The following SYNE2 variants were observed in gnomAD, a reference collection of about 807,000 sequenced individuals.
The protein encoded by SYNE2 is nesprin-2.
In SYNE2, 431 loss-of-function variants were observed where a neutral mutation model predicts 856.3. The observed-to-expected ratio is 0.50, with a 90% CI of 0.47 to 0.55. SYNE2 has a LOEUF of 0.55. Among genes scored for constraint, SYNE2 ranks in the 20% least tolerant of loss-of-function variants. The probability of loss-of-function intolerance (pLI) is 0.00; values close to 1 mark genes in which losing one functional copy is unlikely to be tolerated. For missense variants in SYNE2, 8,129 were observed against 8,023.2 expected (o/e 1.01, Z -0.50); for synonymous variants, 2,923 against 2,872.3 (o/e 1.02, Z -0.56).
chr14:63,998,424 G>T lies in SYNE2; in HGVS notation c.3353+96G>T, dbSNP rs573114754. 3 of 835,968 alleles carry T rather than the reference G, an allele frequency of 3.6e-6. No homozygotes were observed. The East Asian group carries it at 8.0e-5, about 22-fold the overall frequency. The allele number at this position is 835,968 out of a possible 1,614,324, so 51.8% of individuals were successfully genotyped here. The stretch of plus-strand genomic sequence containing the variant: ...TTAAAAGTTTTATTTTCATTTAGTC[G>T]TCATTTTGCATATGATCCAGTAACT... On this transcript the variant is annotated intron_variant, in intron 26 of 115. Coordinates refer to ENST00000555002, the MANE Select transcript of SYNE2 (RefSeq NM_182914.3).
Position 64,152,638 on chromosome 14 carries a change from T to TG in SYNE2, c.15718dup (p.Ala5240GlyfsTer13). 1.2e-6 allele frequency: 2 copies of TG among 1,614,074 alleles called. No homozygotes were observed. The highest frequency in any genetic ancestry group is 1.7e-6 in the Non-Finnish European group (2 of 1,180,000). ...AACAAAGTTATCTGACTTTGGAGAG[T>TG]GGGGCAGTGCCATTGTTAGAAGATA... On this transcript the variant is annotated frameshift_variant, in exon 85 of 116. Coordinates refer to ENST00000555002, the MANE Select transcript of SYNE2 (RefSeq NM_182914.3). LOFTEE classifies it high-confidence loss of function.
chr14:64,134,400 G>C (rs1048098782), intron 78 of SYNE2, among the ~76,000 whole-genome samples, 200 bp downstream of exon 78: 1 of 152,164 alleles, frequency 6.6e-6, no homozygotes, highest in African/African-American at 2.4e-5. Flanking sequence ...GCTTGGGGGA[G>C]AGGACCTTGC....
At chr14:63,811,404 A>G (rs1278131175) in intron 1 of SYNE2, among the ~76,000 whole-genome samples, 1 of 151,928 alleles carries the variant, frequency 6.6e-6, no homozygotes, top group Non-Finnish European at 1.5e-5. Flanking sequence ...ACAGGTGTGC[A>G]TCACCATGCC....
At chr14:63,894,136 A>G (rs1461436761) in intron 1 of SYNE2, among the ~76,000 whole-genome samples, 2 of 151,994 alleles carry the variant, frequency 1.3e-5, no homozygotes, top group East Asian at 3.8e-4. Flanking sequence ...GATGGTTTTA[A>G]CAGCTTTTTG....
At chr14:64,066,702 C>T (rs1468208526) in intron 51 of SYNE2, among the ~76,000 whole-genome samples, 1 of 152,140 alleles carries the variant, frequency 6.6e-6, no homozygotes, top group Non-Finnish European at 1.5e-5. Flanking sequence ...CTGCTGGCAC[C>T]AGTGCTTGCC....
Position 64,098,085 on chromosome 14 carries a change from G to A in SYNE2, c.12245G>A (p.Arg4082Lys). The A allele has an allele frequency of 6.2e-7, 1 of 1,614,184 alleles. No homozygotes were observed. The highest frequency in any genetic ancestry group is 8.5e-7 in the Non-Finnish European group (1 of 1,180,022). ...KQEQEGVERD[R>K]LPAVTSEEGG... ...GAACAAGAAGGAGTAGAAAGAGATAGGCTGCCAGCTGTAACATCAGAGGAA... is the reference window on the plus strand; with the variant it reads ...GAACAAGAAGGAGTAGAAAGAGATAAGCTGCCAGCTGTAACATCAGAGGAA... Residue 4082 changes from arginine (R) to lysine (K), a missense_variant, in exon 62 of 116, where the codon AGG becomes AAG. Physicochemically the swap from Arg to Lys is conservative, Grantham distance 26. Around this residue, in one of 3 missense-constraint regions of SYNE2, gnomAD observed 5,410 missense variants for 5,284.8 expected, o/e 1.02. Transcript: ENST00000555002.
intron 99 of SYNE2, among the ~76,000 whole-genome samples, chr14:64,194,299 C>CTTCT (rs1555538554): frequency 0.24 from 34,964 of 148,042 alleles, 4,304 homozygotes; most frequent in Middle Eastern, 0.33. Flanking sequence ...CTCTTTTCTT[C>CTTCT]TTTTTTTTTT....
intron 64 of SYNE2, among the ~76,000 whole-genome samples, chr14:64,104,941 C>A (rs1242672579): frequency 6.6e-6 from 1 of 152,136 alleles, no homozygotes; most frequent in East Asian, 1.9e-4. Context: ...TACCACCTTT[C>A]CTTCAAAGCT....
At chr14:64,078,408 C>T (rs540552910) in intron 54 of SYNE2, 58 bp from the exon 55 acceptor site, 3 of 1,606,788 alleles carry the variant, frequency 1.9e-6, no homozygotes, top group East Asian at 2.2e-5. Context: ...TTGTTCGAAC[C>T]TATGAATAAA....
intron 1 of SYNE2, among the ~76,000 whole-genome samples, chr14:63,883,506 C>T (rs1001901342): frequency 7.0e-5 from 10 of 143,690 alleles, no homozygotes; most frequent in East Asian, 2.0e-4. Flanking sequence ...TGCACCTCCA[C>T]GCCTGGCTAA....
chr14:64,081,742 A>G (rs1453503271), intron 57 of SYNE2, among the ~76,000 whole-genome samples, 162 bp downstream of exon 57: 2 of 152,120 alleles, frequency 1.3e-5, no homozygotes, highest in African/African-American at 2.4e-5. Context: ...AGCAGTAGAC[A>G]TGGATTTTGG....
At chr14:64,208,969 G>C in intron 101 of SYNE2, 24 bp downstream of exon 101, 1 of 1,611,240 alleles carries the variant, frequency 6.2e-7, no homozygotes, top group Non-Finnish European at 8.5e-7. Flanking sequence ...TCCCCCAAAT[G>C]CCTTCAGCGT....
chr14:63,803,034 C>T (rs997764484), intron 1 of SYNE2, among the ~76,000 whole-genome samples: 1 of 152,216 alleles, frequency 6.6e-6, no homozygotes, highest in Non-Finnish European at 1.5e-5. Context: ...CCAATAATGG[C>T]TCAGGCAGCC....
chr14:64,037,685 C>T (rs1476901077), intron 45 of SYNE2, among the ~76,000 whole-genome samples: 1 of 16,608 alleles, frequency 6.0e-5, no homozygotes, highest in East Asian at 1.8e-3. Context: ...GCAGAGGGGC[C>T]CCTCACTTCC....
In SYNE2 at chr14:64,100,532, ATATATATATATATATATATAT is replaced by A. The variant is rs1461955352; in HGVS notation, c.12382-1399_12382-1379del. On this transcript the variant is annotated intron_variant, in intron 63 of 115. Transcript: ENST00000555002. ...ACTGTCTCAAAAAAAAAAAAAAAAA[ATATATATATATATATATATAT>A]ATATATATATATATATATTTATGAC... Among the ~76,000 whole-genome samples the A allele has an allele frequency of 6.1e-3, 263 of 43,188 alleles. 9 individuals carry two copies. Among genetic ancestry groups the A allele is most frequent in the Non-Finnish European group, 9.8e-3 (226 of 22,996 alleles). The allele number at this position is 43,188 out of a possible 152,430, so 28.3% of individuals were successfully genotyped here.
chr14:63,878,085 C>T (rs1202187289), intron 1 of SYNE2, among the ~76,000 whole-genome samples: 1 of 152,040 alleles, frequency 6.6e-6, no homozygotes, highest in East Asian at 1.9e-4. Context: ...TGAGGTCTTA[C>T]TGTGTTACCC....
At chr14:63,923,575 A>T (rs2153382395) in intron 2 of SYNE2, among the ~76,000 whole-genome samples, 1 of 152,362 alleles carries the variant, frequency 6.6e-6, no homozygotes, top group South Asian at 2.1e-4. Flanking sequence ...AGGCAAAATG[A>T]GGAGCAAACT....
intron 79 of SYNE2, among the ~76,000 whole-genome samples, chr14:64,138,512 G>A (rs2098113979): frequency 1.3e-5 from 2 of 152,084 alleles, no homozygotes; most frequent in South Asian, 2.1e-4. Flanking sequence ...GGGATTACAG[G>A]TGTAAGCCAC....
In SYNE2 at chr14:64,167,604, C is replaced by A. The variant is rs1045152351; in HGVS notation, c.16870C>A (p.Leu5624Ile). 1.2e-6 allele frequency: 2 copies of A among 1,614,228 alleles called. No homozygotes were observed. Among genetic ancestry groups the A allele is most frequent in the Non-Finnish European group, 1.7e-6 (2 of 1,180,050 alleles). The change falls in exon 92 of 116, where the codon CTT becomes ATT. Residue 5624 changes from leucine (L) to isoleucine (I), a missense_variant. Leu to Ile is a conservative substitution (Grantham distance 5). This residue lies in a region of SYNE2 where 5,410 missense variants were observed against 5,284.8 expected (regional missense o/e 1.02). Coordinates refer to ENST00000555002, the MANE Select transcript of SYNE2 (RefSeq NM_182914.3). ...EALKVDVANSLPELLEQQKTY... is the reference protein window; with the variant it reads ...EALKVDVANSIPELLEQQKTY... ...ACTCAAAGTGGATGTGGCTAACAGC[C>A]TTCCTGAGCTCCTGGAGCAGCAGAA...
Sources: gnomAD v4.1 joint callset for allele counts (sites outside exome capture counted in the v4.1 genomes callset) on GRCh38, gnomAD v4.1.1 for gene constraint, gnomAD v4.1.1 regional missense constraint, MANE v1.5 for transcripts, NCBI Gene and HGNC (gene_info 2026-07-23, HGNC 2026-07-21) for gene names.